Variants in AUTS2 observed in about 807,000 individuals in gnomAD.
AUTS2 encodes autism susceptibility gene 2 protein.
In AUTS2, 17 loss-of-function variants were observed where a neutral mutation model predicts 112.4. The observed-to-expected ratio is 0.15, with a 90% CI of 0.10 to 0.23. The LOEUF is 0.23. Among genes scored for constraint, AUTS2 ranks in the 10% least tolerant of loss-of-function variants. AUTS2 has a pLI of 1.00. For synonymous variants in AUTS2, 751 were observed against 702.7 expected (o/e 1.07, Z -1.09); for missense variants, 1,510 against 1,701.6 (o/e 0.89, Z 1.98).
chr7:70,553,333 A>G (rs1404961615), intron 5 of AUTS2, among the ~76,000 whole-genome samples: 1 of 152,194 alleles, frequency 6.6e-6, no homozygotes, highest in African/African-American at 2.4e-5. Flanking sequence ...TTTTTTAGAA[A>G]TCTTACAAGA....
At chr7:70,402,551 C>T (rs921880983) in intron 4 of AUTS2, among the ~76,000 whole-genome samples, 1 of 152,174 alleles carries the variant, frequency 6.6e-6, no homozygotes, top group Admixed American at 6.5e-5. Context: ...GTTCCAGACT[C>T]CTGGGTAGTT....
chr7:69,911,176 C>T (rs1196651466), intron 2 of AUTS2, among the ~76,000 whole-genome samples: 3 of 152,222 alleles, frequency 2.0e-5, no homozygotes, highest in Non-Finnish European at 4.4e-5. Context: ...GTGGGCAGCC[C>T]CAGGCACCAG....
At chr7:69,927,334 C>G (rs1796061018) in intron 2 of AUTS2, among the ~76,000 whole-genome samples, 1 of 151,634 alleles carries the variant, frequency 6.6e-6, no homozygotes, top group African/African-American at 2.4e-5. Flanking sequence ...AGCCTTTATA[C>G]TGTCGATGAC....
intron 5 of AUTS2, among the ~76,000 whole-genome samples, chr7:70,623,337 G>A (rs1436319113): frequency 6.6e-6 from 1 of 152,212 alleles, no homozygotes; most frequent in Non-Finnish European, 1.5e-5. Context: ...TACAGCTAGG[G>A]TAGGTTATGA....
intron 2 of AUTS2, among the ~76,000 whole-genome samples, chr7:70,116,277 T>C (rs1562709208): frequency 6.6e-6 from 1 of 152,086 alleles, no homozygotes; most frequent in Non-Finnish European, 1.5e-5. Flanking sequence ...TAGAAGAAAG[T>C]GATAAAGGTG....
rs10684331 is a variant in AUTS2, at chr7:69,729,994, ATTTTTTTT to A, written c.309+130050_309+130057del. 3.2e-4 allele frequency among the ~76,000 whole-genome samples: 18 copies of A among 56,760 alleles called. 2 individuals are homozygous for A. The South Asian group carries it at 7.3e-3, about 23-fold the overall frequency. 37.2% of individuals were successfully genotyped at this position (56,760 alleles called of 152,430 possible). A position where few individuals can be genotyped will look rare whatever the true frequency, so the allele number is the denominator to read the frequency against. On this transcript the variant is annotated intron_variant, in intron 1 of 18. Transcript: ENST00000342771. ...GTTTTTTTTTGTTGTTGTTGTTTTAATTTTTTTTTTTTTTTTTTTTTTTTTAGAAACTA... is the reference window on the plus strand; with the variant it reads ...GTTTTTTTTTGTTGTTGTTGTTTTAATTTTTTTTTTTTTTTTTAGAAACTA...
intron 4 of AUTS2, among the ~76,000 whole-genome samples, chr7:70,420,630 A>AG (rs1374564771): frequency 2.0e-5 from 3 of 152,224 alleles, no homozygotes; most frequent in Non-Finnish European, 4.4e-5. Flanking sequence ...TGGAGCTAGG[A>AG]GGCTCCTTTT....
At chr7:70,607,169 C>T (rs1043953742) in intron 5 of AUTS2, among the ~76,000 whole-genome samples, 5 of 152,016 alleles carry the variant, frequency 3.3e-5, no homozygotes, top group Admixed American at 2.0e-4. Flanking sequence ...TGCTGGGGGG[C>T]GAAGGTGGGA....
In AUTS2 at chr7:69,856,321, C is replaced by T. The variant is rs75549068; in HGVS notation, c.310-42965C>T. Reference sequence around the variant, plus strand: ...AGGGAGAAAGGAAGAAAGTGATCACCAAGGCAGGCCTGGTGCCTAGAAGCT... The same window carrying T: ...AGGGAGAAAGGAAGAAAGTGATCACTAAGGCAGGCCTGGTGCCTAGAAGCT... On this transcript the variant is annotated intron_variant, in intron 1 of 18. Coordinates refer to ENST00000342771, the MANE Select transcript of AUTS2 (RefSeq NM_015570.4). Among the ~76,000 whole-genome samples, 1,088 of 152,188 alleles carry T rather than the reference C, an allele frequency of 7.1e-3. 17 individuals are homozygous for T. The highest frequency in any genetic ancestry group is 0.024 in the African/African-American group (1,014 of 41,496).
chr7:70,775,768 C>G (rs768890366), intron 13 of AUTS2, among the ~76,000 whole-genome samples: 5 of 152,142 alleles, frequency 3.3e-5, no homozygotes, highest in Non-Finnish European at 5.9e-5. Flanking sequence ...CTCCCTCTTT[C>G]TGTAGTAAGT....
At chr7:70,110,241 C>T (rs760604769) in intron 2 of AUTS2, among the ~76,000 whole-genome samples, 23 of 152,294 alleles carry the variant, frequency 1.5e-4, no homozygotes, top group Non-Finnish European at 2.4e-4. Flanking sequence ...TAGGGCTGGG[C>T]GCAGTGGCTC....
intron 2 of AUTS2, among the ~76,000 whole-genome samples, chr7:70,031,813 C>A (rs2129556613): frequency 6.6e-6 from 1 of 152,136 alleles, no homozygotes; most frequent in South Asian, 2.1e-4. Flanking sequence ...ACTCTATGTC[C>A]CTTACGAAAT....
At chr7:69,985,401 G>T (rs1417484203) in intron 2 of AUTS2, among the ~76,000 whole-genome samples, 1 of 152,114 alleles carries the variant, frequency 6.6e-6, no homozygotes, top group Non-Finnish European at 1.5e-5. Context: ...ACGGGGTGGA[G>T]TTGCAGGATA....
intron 5 of AUTS2, among the ~76,000 whole-genome samples, chr7:70,563,229 G>T (rs1324179744): frequency 6.6e-6 from 1 of 152,122 alleles, no homozygotes; most frequent in African/African-American, 2.4e-5. Flanking sequence ...TTATTCCCTG[G>T]TATAACTGGG....
At chr7:70,667,968 CCTGAGCAGG>C (rs1807432969) in intron 5 of AUTS2, among the ~76,000 whole-genome samples, 1 of 152,224 alleles carries the variant, frequency 6.6e-6, no homozygotes, top group Non-Finnish European at 1.5e-5. Flanking sequence ...GCACATTCTG[CCTGAGCAGG>C]TCCAGGGTGG....
At chr7:70,696,533 C>G (rs1809115594) in intron 5 of AUTS2, among the ~76,000 whole-genome samples, 1 of 152,154 alleles carries the variant, frequency 6.6e-6, no homozygotes, top group Non-Finnish European at 1.5e-5. Context: ...ACTTACTGAT[C>G]GGCATCATAA....
At chr7:69,628,124 G>A (rs1012331061) in intron 1 of AUTS2, among the ~76,000 whole-genome samples, 7 of 152,144 alleles carry the variant, frequency 4.6e-5, no homozygotes, top group Non-Finnish European at 1.5e-5. Flanking sequence ...ATTACAAAGG[G>A]CATTTACAGA....
chr7:70,662,597 A>G (rs541301560), intron 5 of AUTS2, among the ~76,000 whole-genome samples: 3 of 152,312 alleles, frequency 2.0e-5, no homozygotes, highest in East Asian at 1.9e-4. Context: ...GCCTGTAGCA[A>G]TTTATCCCAA....
intron 4 of AUTS2, among the ~76,000 whole-genome samples, chr7:70,386,559 C>G (rs549084954): frequency 1.2e-4 from 18 of 152,200 alleles, no homozygotes; most frequent in Non-Finnish European, 1.9e-4. Flanking sequence ...TCTACTATCT[C>G]TGTGGATTTG....
Sources: gnomAD v4.1 joint callset for allele counts (sites outside exome capture counted in the v4.1 genomes callset) on GRCh38, gnomAD v4.1.1 for gene constraint, MANE v1.5 for transcripts, NCBI Gene and HGNC (gene_info 2026-07-23, HGNC 2026-07-21) for gene names.